OR2T8: variants seen among roughly 807,000 people sequenced by gnomAD.
OR2T8 encodes olfactory receptor 2T8.
For synonymous variants in OR2T8, 56 were observed against 154.3 expected (o/e 0.36, Z 4.72); for missense variants, 161 against 389.4 (o/e 0.41, Z 4.94).
rs1351099451 is a variant in OR2T8 at position 247,922,077 on chromosome 1, T to A, written c.*121T>A. On this transcript the variant is annotated 3_prime_UTR_variant, in exon 2 of 2. Coordinates refer to ENST00000641945, the MANE Select transcript of OR2T8 (RefSeq NM_001005522.2). The stretch of plus-strand genomic sequence containing the variant: ...GTCTCTGTGTGTGTGTGTGTTTGTG[T>A]GTTGCTTTGAATTGCAGATGAATCT... 2.8e-6 allele frequency: 3 copies of A among 1,074,878 alleles called. No homozygotes were observed. The highest frequency in any genetic ancestry group is 3.2e-5 in the African/African-American group (2 of 62,674). The allele number at this position is 1,074,878 out of a possible 1,614,324, so 66.6% of individuals were successfully genotyped here. A position where few individuals can be genotyped will look rare whatever the true frequency, so the allele number is the denominator to read the frequency against.
rs1660033915 is a variant in OR2T8, at chr1:247,922,219, T to C, written c.*263T>C. On this transcript the variant is annotated 3_prime_UTR_variant, in exon 2 of 2. Coordinates refer to ENST00000641945, the MANE Select transcript of OR2T8 (RefSeq NM_001005522.2). ...GTTTTACATCATACCTCACAATAAT[T>C]TTTTGTTCAAAGAATGAATTAACCA... 6.6e-6 allele frequency among the ~76,000 whole-genome samples: 1 copy of C among 152,214 alleles called. No individual in the cohort carries two copies. The highest frequency in any genetic ancestry group is 6.5e-5 in the Admixed American group (1 of 15,290).
rs150398185 is a variant in OR2T8 at position 247,921,869 on chromosome 1, C to T, written c.852C>T (p.Asn284=). ...AFYTMFTPLL[N]PLIYSVKNSE... is the part of the protein sequence containing the mutation. The stretch of plus-strand genomic sequence containing the variant: ...ATACTATGTTCACCCCTTTACTAAA[C>T]CCCCTCATCTACAGTGTGAAGAACA... Residue 284 remains asparagine (N), a synonymous_variant, in exon 2 of 2, where the codon AAC becomes AAT. Coordinates refer to ENST00000641945, the MANE Select transcript of OR2T8 (RefSeq NM_001005522.2). The T allele has an allele frequency of 0.012, 19,853 of 1,613,768 alleles. 145 individuals carry two copies. Among genetic ancestry groups the T allele is most frequent in the Middle Eastern group, 0.017 (101 of 6,058 alleles).
At position 247,921,089 on chromosome 1, in the gene OR2T8, C is replaced by T. The variant is rs1279428192; in HGVS notation, c.72C>T (p.Val24=). ...GLFNHTRAHQ[V]LFMMVLSIVL... is the part of the protein sequence containing the mutation. ...TTAACCACACCAGAGCCCACCAAGT[C>T]CTCTTCATGATGGTTCTGAGTATCG... The change falls in exon 2 of 2, where the codon GTC becomes GTT. Residue 24 remains valine (V), a synonymous_variant. Transcript: ENST00000641945. 3.1e-6 allele frequency: 5 copies of T among 1,611,580 alleles called. No homozygotes were observed. Among genetic ancestry groups the T allele is most frequent in the Non-Finnish European group, 4.2e-6 (5 of 1,178,778 alleles).
rs1255837419 is a variant in OR2T8, at chr1:247,920,364, C to G, written c.-175C>G. ...AAGGTCAGTACTGTTTTCAGTCTAT[C>G]ACCTATAAAGGAGGACTAAATGTGT... is the stretch of plus-strand genomic sequence containing the variant. On this transcript the variant is annotated 5_prime_UTR_variant, in exon 1 of 2. It adds an upstream start codon to the 5' untranslated region. Transcript: ENST00000641945. The G allele has an allele frequency of 1.3e-5, 2 of 152,456 alleles. No homozygotes were observed. The highest frequency in any genetic ancestry group is 4.8e-5 in the African/African-American group (2 of 41,430). 9.4% of individuals were successfully genotyped at this position (152,456 alleles called of 1,614,324 possible). A position where few individuals can be genotyped will look rare whatever the true frequency, so the allele number is the denominator to read the frequency against.
At chr1:247,920,862 T>A (rs1051537423) in intron 1 of OR2T8, 136 bp from the exon 2 acceptor site, 1 of 636,094 alleles carries the variant, frequency 1.6e-6, no homozygotes. Context: ...AATTAGAACA[T>A]TTTGCAAGTG....
rs188704132 is a variant in OR2T8 at position 247,922,524 on chromosome 1, A to C, written c.*568A>C. Among the ~76,000 whole-genome samples, 30 of 152,318 alleles carry C rather than the reference A, an allele frequency of 2.0e-4. No individual in the cohort carries two copies. The highest frequency in any genetic ancestry group is 7.0e-4 in the African/African-American group (29 of 41,572). On this transcript the variant is annotated 3_prime_UTR_variant, in exon 2 of 2. Transcript: ENST00000641945. ...TAAAATTTCACATCAAAGGAAACAAATAGTATGGTCTTGAATCTTGTTTCC... is the reference window on the plus strand; with the variant it reads ...TAAAATTTCACATCAAAGGAAACAACTAGTATGGTCTTGAATCTTGTTTCC...
In OR2T8 at chr1:247,922,204, A is replaced by G. The variant is rs1030157291; in HGVS notation, c.*248A>G. ...ATCCTTAGTAAGATGGTTTTACATC[A>G]TACCTCACAATAATTTTTTGTTCAA... On this transcript the variant is annotated 3_prime_UTR_variant, in exon 2 of 2. Coordinates refer to ENST00000641945, the MANE Select transcript of OR2T8 (RefSeq NM_001005522.2). Among the ~76,000 whole-genome samples the G allele has an allele frequency of 2.0e-5, 3 of 152,210 alleles. No individual in the cohort carries two copies.
At position 247,920,298 on chromosome 1, in the gene OR2T8, C is replaced by T. The variant is rs969251531; in HGVS notation, c.-241C>T. ...ACAGTTAATGAAAATGTGTGTTTAC[C>T]ATTATACTCTTACACTGCAAAGAAA... On this transcript the variant is annotated 5_prime_UTR_variant, in exon 1 of 2. Coordinates refer to ENST00000641945, the MANE Select transcript of OR2T8 (RefSeq NM_001005522.2). 4 of 152,110 alleles carry T rather than the reference C, an allele frequency of 2.6e-5. No homozygotes were observed. Among genetic ancestry groups the T allele is most frequent in the African/African-American group, 9.7e-5 (4 of 41,398 alleles). 9.4% of individuals were successfully genotyped at this position (152,110 alleles called of 1,614,324 possible).
intron 1 of OR2T8, among the ~76,000 whole-genome samples, chr1:247,920,779 C>G (rs927751538): frequency 6.6e-6 from 1 of 152,152 alleles, no homozygotes; most frequent in South Asian, 2.1e-4. Context: ...TAAAATTAAT[C>G]AATACTTAGC....
At chr1:247,920,913 A>G (rs1390557598) in intron 1 of OR2T8, 85 bp from the exon 2 acceptor site, 26 of 981,236 alleles carry the variant, frequency 2.6e-5, no homozygotes, top group Non-Finnish European at 3.5e-5. Context: ...GCTTTCACAC[A>G]AGTACTTTTC....
rs918114871 is a variant in OR2T8, at chr1:247,922,462, T to A, written c.*506T>A. On this transcript the variant is annotated 3_prime_UTR_variant, in exon 2 of 2. Coordinates refer to ENST00000641945, the MANE Select transcript of OR2T8 (RefSeq NM_001005522.2). ...CCCAGGCCTAAGATACATCCACTGC[T>A]CTAATTTTTATCTCTGTTCGTTAGT... 1.3e-5 allele frequency among the ~76,000 whole-genome samples: 2 copies of A among 152,216 alleles called. No homozygotes were observed. Among genetic ancestry groups the A allele is most frequent in the Admixed American group, 6.5e-5 (1 of 15,284 alleles).
chr1:247,921,852 T>C lies in OR2T8; in HGVS notation c.835T>C (p.Phe279Leu). The C allele has an allele frequency of 6.2e-7, 1 of 1,613,660 alleles. No individual in the cohort carries two copies. The highest frequency in any genetic ancestry group is 2.2e-5 in the East Asian group (1 of 44,836). ...DKVVSAFYTM[F>L]TPLLNPLIYS... ...GGTTGTGTCAGCCTTCTATACTATG[T>C]TCACCCCTTTACTAAACCCCCTCAT... is the stretch of plus-strand genomic sequence containing the variant. The change falls in exon 2 of 2, where the codon TTC becomes CTC. Residue 279 changes from phenylalanine to leucine, a missense_variant. Transcript: ENST00000641945.
chr1:247,920,691 C>G (rs6689280), intron 1 of OR2T8, among the ~76,000 whole-genome samples, 173 bp downstream of exon 1: 2,065 of 152,260 alleles, frequency 0.014, 48 homozygotes, highest in African/African-American at 0.047. Context: ...CATTCTCACT[C>G]ACTTATGATG....
At position 247,922,838 on chromosome 1, in the gene OR2T8, C is replaced by G. The variant is rs1458796153; in HGVS notation, c.*882C>G. On this transcript the variant is annotated 3_prime_UTR_variant, in exon 2 of 2. Transcript: ENST00000641945. ...TTGTTTACTCTTATACTGCCGCTGA[C>G]AATGCACACAAGTTCCTGTTGCTCC... Among the ~76,000 whole-genome samples the G allele has an allele frequency of 6.6e-6, 1 of 152,190 alleles. No homozygotes were observed. The highest frequency in any genetic ancestry group is 2.4e-5 in the African/African-American group (1 of 41,440).
intron 1 of OR2T8, 127 bp from the exon 2 acceptor site, chr1:247,920,871 T>C (rs1558367639): frequency 1.5e-6 from 1 of 661,938 alleles, no homozygotes. Flanking sequence ...ATTTTGCAAG[T>C]GGCAAATGAA....
rs1253921190 is a variant in OR2T8 at position 247,922,404 on chromosome 1, A to G, written c.*448A>G. ...GAAGAGACACCATTTTCACCACCTC[A>G]GAAAGGTCCTGCAGGCCCTTTTCCA... On this transcript the variant is annotated 3_prime_UTR_variant, in exon 2 of 2. Transcript: ENST00000641945. 1.3e-5 allele frequency among the ~76,000 whole-genome samples: 2 copies of G among 152,212 alleles called. No individual in the cohort carries two copies. Among genetic ancestry groups the G allele is most frequent in the Admixed American group, 6.5e-5 (1 of 15,276 alleles).
Position 247,922,046 on chromosome 1 carries a change from T to C in OR2T8, c.*90T>C. The C allele has an allele frequency of 7.8e-7, 1 of 1,288,256 alleles. No homozygotes were observed. Among genetic ancestry groups the C allele is most frequent in the Non-Finnish European group, 1.1e-6 (1 of 922,788 alleles). The allele number at this position is 1,288,256 out of a possible 1,614,324, so 79.8% of individuals were successfully genotyped here. On this transcript the variant is annotated 3_prime_UTR_variant, in exon 2 of 2. Transcript: ENST00000641945. Reference sequence around the variant, plus strand: ...AGGAATATACACTTTTATTTCTACATCTGTTGTCTCTGTGTGTGTGTGTGT... The same window carrying C: ...AGGAATATACACTTTTATTTCTACACCTGTTGTCTCTGTGTGTGTGTGTGT...
At position 247,922,618 on chromosome 1, in the gene OR2T8, ACTG is replaced by A. The variant is rs1477020964; in HGVS notation, c.*665_*667del. ...CCTCATTGTTACATTGCTTTTTTTTACTGCTAAGTAGTATTTTGTTTTCTGAAA... is the reference window on the plus strand; with the variant it reads ...CCTCATTGTTACATTGCTTTTTTTTACTAAGTAGTATTTTGTTTTCTGAAA... On this transcript the variant is annotated 3_prime_UTR_variant, in exon 2 of 2. Coordinates refer to ENST00000641945, the MANE Select transcript of OR2T8 (RefSeq NM_001005522.2). Among the ~76,000 whole-genome samples the A allele has an allele frequency of 6.6e-6, 1 of 152,018 alleles. No homozygotes were observed. The highest frequency in any genetic ancestry group is 1.5e-5 in the Non-Finnish European group (1 of 67,980).
rs1165851257 is a variant in OR2T8, at chr1:247,922,422, C to G, written c.*466C>G. On this transcript the variant is annotated 3_prime_UTR_variant, in exon 2 of 2. Coordinates refer to ENST00000641945, the MANE Select transcript of OR2T8 (RefSeq NM_001005522.2). ...CCACCTCAGAAAGGTCCTGCAGGCC[C>G]TTTTCCAGTGATACCCCAGGCCTAA... is the stretch of plus-strand genomic sequence containing the variant. 2.6e-5 allele frequency among the ~76,000 whole-genome samples: 4 copies of G among 152,170 alleles called. No individual in the cohort carries two copies. The highest frequency in any genetic ancestry group is 7.2e-5 in the African/African-American group (3 of 41,444).
Sources: gnomAD v4.1 joint callset for allele counts (sites outside exome capture counted in the v4.1 genomes callset) on GRCh38, gnomAD v4.1.1 for gene constraint, MANE v1.5 for transcripts, NCBI Gene and HGNC (gene_info 2026-07-23, HGNC 2026-07-21) for gene names.